Variants in DPP10 observed in about 807,000 individuals in gnomAD.
The protein encoded by DPP10 is inactive dipeptidyl peptidase 10.
In DPP10, 33 loss-of-function variants were observed where a neutral mutation model predicts 120.9. That is an observed-to-expected ratio of 0.27 (90% CI 0.21 to 0.37). DPP10 has a LOEUF of 0.37. DPP10 is among the 10% of genes least tolerant of loss of function. DPP10 has a pLI of 1.00. For synonymous variants in DPP10, 337 were observed against 326.1 expected (o/e 1.03, Z -0.36); for missense variants, 816 against 942.8 (o/e 0.87, Z 1.76).
At chr2:114,685,499 G>A (rs554056661) in intron 1 of DPP10, among the ~76,000 whole-genome samples, 1 of 151,966 alleles carries the variant, frequency 6.6e-6, no homozygotes, top group African/African-American at 2.4e-5. Flanking sequence ...TCTGAAGCCT[G>A]AGACAATTTT....
intron 5 of DPP10, among the ~76,000 whole-genome samples, chr2:115,566,904 T>G (rs2081041012): frequency 6.6e-6 from 1 of 152,204 alleles, no homozygotes; most frequent in African/African-American, 2.4e-5. Context: ...CATCATCCTT[T>G]CTGTGTTTTT....
intron 1 of DPP10, among the ~76,000 whole-genome samples, chr2:115,041,685 A>T (rs1389525762): frequency 1.3e-5 from 2 of 152,178 alleles, no homozygotes. Context: ...CACACAGTAT[A>T]TCTTTCTAGG....
chr2:114,762,261 C>T (rs1014685828), intron 1 of DPP10, among the ~76,000 whole-genome samples: 2 of 152,322 alleles, frequency 1.3e-5, no homozygotes, highest in East Asian at 3.9e-4. Context: ...ACTTAGATGT[C>T]TATGCCTCTT....
intron 1 of DPP10, among the ~76,000 whole-genome samples, chr2:114,476,093 A>T (rs1168358559): frequency 6.6e-6 from 1 of 152,186 alleles, no homozygotes; most frequent in Non-Finnish European, 1.5e-5. Context: ...GTGATATAAG[A>T]CATAGTACCA....
intron 1 of DPP10, among the ~76,000 whole-genome samples, chr2:115,210,455 A>G (rs886797012): frequency 1.3e-5 from 2 of 152,128 alleles, no homozygotes; most frequent in Non-Finnish European, 2.9e-5. Flanking sequence ...AGTCTTTGCT[A>G]TTGTGAATAG....
At chr2:114,804,562 G>T in intron 1 of DPP10, among the ~76,000 whole-genome samples, 1 of 152,212 alleles carries the variant, frequency 6.6e-6, no homozygotes, top group East Asian at 1.9e-4. Flanking sequence ...GCGTGACCTG[G>T]ATGTGAGACC....
At chr2:115,235,404 GAT>G in intron 1 of DPP10, among the ~76,000 whole-genome samples, 1 of 152,248 alleles carries the variant, frequency 6.6e-6, no homozygotes, top group Middle Eastern at 3.4e-3. Context: ...AAGAACTAAA[GAT>G]AGGCAATTAT....
At chr2:115,555,270 C>G (rs2080137973) in intron 5 of DPP10, among the ~76,000 whole-genome samples, 1 of 151,926 alleles carries the variant, frequency 6.6e-6, no homozygotes, top group Non-Finnish European at 1.5e-5. Flanking sequence ...CCTCTGCCCT[C>G]TTACGTTTGG....
chr2:114,936,954 T>A (rs978143858), intron 1 of DPP10, among the ~76,000 whole-genome samples: 2 of 152,206 alleles, frequency 1.3e-5, no homozygotes, highest in Admixed American at 6.5e-5. Context: ...GTTTTCTTCT[T>A]GCTGATTTGT....
chr2:115,419,580 G>A (rs1277458396), intron 3 of DPP10, among the ~76,000 whole-genome samples: 3 of 152,082 alleles, frequency 2.0e-5, no homozygotes, highest in Non-Finnish European at 2.9e-5. Context: ...CAACACTGGG[G>A]ATCACATTTC....
chr2:115,444,112 G>C (rs2072343201), intron 3 of DPP10, among the ~76,000 whole-genome samples: 1 of 152,108 alleles, frequency 6.6e-6, no homozygotes, highest in Non-Finnish European at 1.5e-5. Flanking sequence ...CTCTGAAACA[G>C]GACAAAGGAA....
At chr2:115,585,596 C>G (rs983987150) in intron 5 of DPP10, among the ~76,000 whole-genome samples, 6 of 151,972 alleles carry the variant, frequency 3.9e-5, no homozygotes, top group African/African-American at 1.4e-4. Flanking sequence ...TTCCTTTTTC[C>G]TCAAAGAAAC....
chr2:115,125,945 TA>T (rs1373431566), intron 1 of DPP10, among the ~76,000 whole-genome samples: 1 of 152,180 alleles, frequency 6.6e-6, no homozygotes, highest in East Asian at 1.9e-4. Context: ...CCAGGCTAAG[TA>T]AAAAGGTACC....
chr2:115,196,396 C>G (rs2055271753), intron 1 of DPP10, among the ~76,000 whole-genome samples: 1 of 152,110 alleles, frequency 6.6e-6, no homozygotes, highest in Non-Finnish European at 1.5e-5. Flanking sequence ...AGTTATTCCT[C>G]TCCTCTATTT....
chr2:115,407,136 A>G (rs1464357015), intron 3 of DPP10, among the ~76,000 whole-genome samples: 3 of 152,190 alleles, frequency 2.0e-5, no homozygotes, highest in Non-Finnish European at 4.4e-5. Context: ...TTCGCCCTGG[A>G]AACAGGGCGA....
intron 11 of DPP10, among the ~76,000 whole-genome samples, chr2:115,753,703 A>G (rs1460485008): frequency 6.6e-6 from 1 of 152,136 alleles, no homozygotes; most frequent in Non-Finnish European, 1.5e-5. Context: ...TAGATCTGAT[A>G]AAATAACAGT....
chr2:115,726,647 G>C (rs902229130), intron 7 of DPP10, among the ~76,000 whole-genome samples: 1 of 152,028 alleles, frequency 6.6e-6, no homozygotes, highest in Non-Finnish European at 1.5e-5. Flanking sequence ...AAAAGATCCT[G>C]TTGTAGCGGT....
intron 1 of DPP10, among the ~76,000 whole-genome samples, chr2:114,680,083 A>G (rs1226418139): frequency 1.3e-5 from 2 of 151,988 alleles, no homozygotes; most frequent in Non-Finnish European, 2.9e-5. Context: ...ACTTTTATAG[A>G]ATCGTCTCTT....
At chr2:115,569,180 T>C (rs902320513) in intron 5 of DPP10, among the ~76,000 whole-genome samples, 1 of 152,210 alleles carries the variant, frequency 6.6e-6, no homozygotes, top group Non-Finnish European at 1.5e-5. Flanking sequence ...AAGTAATTGA[T>C]ACAACCAAAT....
Sources: gnomAD v4.1 joint callset for allele counts (sites outside exome capture counted in the v4.1 genomes callset) on GRCh38, gnomAD v4.1.1 for gene constraint, MANE v1.5 for transcripts, NCBI Gene and HGNC (gene_info 2026-07-23, HGNC 2026-07-21) for gene names.